The following TRRAP variants were observed in gnomAD, a reference collection of about 807,000 sequenced individuals.
The protein encoded by TRRAP is transformation/transcription domain-associated protein.
Under a neutral mutation model 438.8 loss-of-function variants are expected in TRRAP, and 41 were observed. The ratio of observed to expected loss-of-function variants is 0.09; its 90% CI spans 0.07 to 0.12. The LOEUF (loss-of-function observed/expected upper bound fraction) is 0.12, where lower values mean the gene tolerates loss of function less well. TRRAP is among the 10% of genes least tolerant of loss of function. The pLI is 1.00. For synonymous variants in TRRAP, 1,994 were observed against 1,962.9 expected, an observed-to-expected ratio of 1.02 and a Z score of -0.42; for missense variants, 3,122 against 5,055.1, an observed-to-expected ratio of 0.62 and a Z score of 11.60.
In TRRAP at chr7:98,994,682, T is replaced by A; in HGVS notation, c.10143T>A (p.Thr3381=). ...AVSDAKITPH[T]LNFVKKLVST... ...CCGATGCTAAAATCACCCCCCACACTCTCAATTTTGTGAAGAAGTTGGTGA... is the reference window on the plus strand; with the variant it reads ...CCGATGCTAAAATCACCCCCCACACACTCAATTTTGTGAAGAAGTTGGTGA... Residue 3381 remains threonine, a synonymous_variant, in exon 67 of 73, where the codon ACT becomes ACA. Coordinates refer to ENST00000456197, the MANE Select transcript of TRRAP (RefSeq NM_001375524.1). The surrounding 1 kb of genome is among the most constrained non-coding windows in gnomAD (Gnocchi z 4.8). 6.2e-7 allele frequency: 1 copy of A among 1,614,130 alleles called. No homozygotes were observed. Among genetic ancestry groups the A allele is most frequent in the Non-Finnish European group, 8.5e-7 (1 of 1,180,022 alleles).
At chr7:98,911,027 A>G (rs1554408637) in intron 16 of TRRAP, 50 bp from the exon 17 acceptor site, 2 of 1,539,562 alleles carry the variant, frequency 1.3e-6, no homozygotes, top group East Asian at 4.5e-5. Context: ...GAACATATTC[A>G]GAGAGGTTCA....
At chr7:99,002,656 T>C (rs1458658671) in intron 67 of TRRAP, among the ~76,000 whole-genome samples, 2 of 151,880 alleles carry the variant, frequency 1.3e-5, no homozygotes, top group Non-Finnish European at 2.9e-5. Context: ...GTCCTGGCAC[T>C]GTGAGGAATG....
chr7:98,978,357 A>G (rs1792764136), intron 57 of TRRAP, 34 bp downstream of exon 57: 2 of 1,561,146 alleles, frequency 1.3e-6, no homozygotes. Flanking sequence ...GTGTGCATGA[A>G]TCAGTTAAGG....
At chr7:98,953,469 C>G in intron 40 of TRRAP, 36 bp downstream of exon 40, 5 of 1,596,934 alleles carry the variant, frequency 3.1e-6, no homozygotes, top group Non-Finnish European at 4.3e-6. Context: ...CCGACATCAG[C>G]GTGAATCTCA....
chr7:98,970,010 GAGT>G, intron 51 of TRRAP, 99 bp from the exon 52 acceptor site: 1 of 1,405,382 alleles, frequency 7.1e-7, no homozygotes, highest in Middle Eastern at 1.9e-4. Flanking sequence ...TGGACCTGCA[GAGT>G]CAGAGGTGCC....
intron 39 of TRRAP, among the ~76,000 whole-genome samples, chr7:98,952,022 C>T (rs1584352661): frequency 6.6e-6 from 1 of 152,086 alleles, no homozygotes; most frequent in Non-Finnish European, 1.5e-5. Flanking sequence ...CAGGTGTGGG[C>T]CTGCCAAGAA....
intron 33 of TRRAP, 82 bp downstream of exon 33, chr7:98,946,032 G>C (rs1467473952): frequency 1.5e-6 from 2 of 1,324,852 alleles, no homozygotes; most frequent in Non-Finnish European, 1.9e-6. Context: ...TCGTGGTTCT[G>C]TACTGGACAG....
At chr7:98,962,668 G>A (rs1348116710) in intron 47 of TRRAP, among the ~76,000 whole-genome samples, 1 of 152,206 alleles carries the variant, frequency 6.6e-6, no homozygotes, top group Non-Finnish European at 1.5e-5. Context: ...TTGGTGTGAG[G>A]GATGTTGCCA....
rs1789992812 is a variant in TRRAP, at chr7:98,925,223, G to T, written c.2935G>T (p.Asp979Tyr). ...CFLVAMMSLEDNKHALYQLLA... is the reference protein window; with the variant it reads ...CFLVAMMSLEYNKHALYQLLA... The stretch of plus-strand genomic sequence containing the variant: ...CCTGGTGGCCATGATGAGCCTGGAG[G>T]ACAACAAGCACGCACTCTACCAGCT... The change falls in exon 22 of 73, where the codon GAC becomes TAC. Residue 979 changes from aspartate to tyrosine, a missense_variant. Asp to Tyr is a radical substitution (Grantham distance 160, BLOSUM62 -3). This residue lies in a region of TRRAP where 133 missense variants were observed against 188.6 expected (regional missense o/e 0.71). Coordinates refer to ENST00000456197, the MANE Select transcript of TRRAP (RefSeq NM_001375524.1). 6.2e-7 allele frequency: 1 copy of T among 1,614,134 alleles called. No individual in the cohort carries two copies. Among genetic ancestry groups the T allele is most frequent in the African/African-American group, 1.3e-5 (1 of 75,006 alleles).
chr7:98,986,247 C>A (rs1046396952), intron 62 of TRRAP, among the ~76,000 whole-genome samples: 13 of 152,172 alleles, frequency 8.5e-5, no homozygotes, highest in Non-Finnish European at 1.6e-4. Context: ...CTGGTGTAAA[C>A]ACTGAATATG....
In TRRAP at chr7:98,990,337, C is replaced by T. The variant is rs1793374804; in HGVS notation, c.9592-118C>T. The T allele has an allele frequency of 4.7e-6, 5 of 1,067,148 alleles. No individual in the cohort carries two copies. In the South Asian group the frequency reaches 1.1e-4, roughly 24 times the overall value. The allele number at this position is 1,067,148 out of a possible 1,614,324, so 66.1% of individuals were successfully genotyped here. ...AATAATGTTGGCCTGCTTATAGATACTTTTTTTACATGGCCAGTAAAGCCG... is the reference window on the plus strand; with the variant it reads ...AATAATGTTGGCCTGCTTATAGATATTTTTTTTACATGGCCAGTAAAGCCG... On this transcript the variant is annotated intron_variant, in intron 63 of 72. Coordinates refer to ENST00000456197, the MANE Select transcript of TRRAP (RefSeq NM_001375524.1).
intron 3 of TRRAP, 92 bp downstream of exon 3, chr7:98,882,116 CAA>C (rs1440119200): frequency 2.8e-6 from 3 of 1,057,182 alleles, no homozygotes; most frequent in Non-Finnish European, 4.1e-6. Context: ...ACTAGCAACT[CAA>C]AGATCATTGT....
At chr7:98,884,426 G>A (rs1462761783) in intron 3 of TRRAP, among the ~76,000 whole-genome samples, 1 of 151,588 alleles carries the variant, frequency 6.6e-6, no homozygotes, top group African/African-American at 2.4e-5. Context: ...GTAGAGATGG[G>A]GTTTCGCCTT....
Position 98,949,941 on chromosome 7 carries a change from C to T in TRRAP, c.5135+100C>T, listed in dbSNP as rs1584349937. The T allele has an allele frequency of 3.3e-5, 51 of 1,564,108 alleles. 1 individual carries two copies. The South Asian group carries it at 5.1e-4, about 16-fold the overall frequency. On this transcript the variant is annotated intron_variant, in intron 37 of 72. Coordinates refer to ENST00000456197, the MANE Select transcript of TRRAP (RefSeq NM_001375524.1). ...TGTACAAGGCTGTGGTCATTGGATG[C>T]GTGCAGTCAGATTGGTTGTGGAGAA...
chr7:98,948,785 G>A lies in TRRAP; in HGVS notation c.4788+100G>A. On this transcript the variant is annotated intron_variant, in intron 35 of 72. Transcript: ENST00000456197. The surrounding 1 kb of genome is among the most constrained non-coding windows in gnomAD (Gnocchi z 4.9). ...TCATATTTCACTATTCAGTGTCCTG[G>A]CTGCTTTTTTTTCAGATCCATTTGA... 1 of 1,562,788 alleles carries A rather than the reference G, an allele frequency of 6.4e-7. No individual in the cohort carries two copies. The highest frequency in any genetic ancestry group is 1.9e-5 in the Admixed American group (1 of 53,596).
chr7:98,948,529 G>A lies in TRRAP; in HGVS notation c.4669-37G>A. ...AGACAGCCTCAAGCTCTGAGAAGAG[G>A]AAGTTGTGAGATGCAGCATTCCCAC... On this transcript the variant is annotated intron_variant, in intron 34 of 72. Coordinates refer to ENST00000456197, the MANE Select transcript of TRRAP (RefSeq NM_001375524.1). The surrounding 1 kb of genome is among the most constrained non-coding windows in gnomAD (Gnocchi z 4.9). 1 of 1,614,096 alleles carries A rather than the reference G, an allele frequency of 6.2e-7. No individual in the cohort carries two copies.
intron 1 of TRRAP, among the ~76,000 whole-genome samples, chr7:98,880,632 A>T (rs1795386578): frequency 6.6e-6 from 1 of 152,148 alleles, no homozygotes; most frequent in Non-Finnish European, 1.5e-5. Context: ...GGAAAAGAGG[A>T]AGGATATTTC....
At chr7:98,951,927 G>A (rs1791354320) in intron 39 of TRRAP, among the ~76,000 whole-genome samples, 1 of 152,094 alleles carries the variant, frequency 6.6e-6, no homozygotes, top group Non-Finnish European at 1.5e-5. Context: ...TCTCCAGGCT[G>A]TGTCTCCTGG....
rs187308669 is a variant in TRRAP, at chr7:98,907,903, G to A, written c.1116-825G>A. On this transcript the variant is annotated intron_variant, in intron 13 of 72. Coordinates refer to ENST00000456197, the MANE Select transcript of TRRAP (RefSeq NM_001375524.1). Reference sequence around the variant, plus strand: ...CTCTCTGACCTGCTGTAGCCATGCTGGCCCCTACAGCTGCCCTCCCTGATG... The same window carrying A: ...CTCTCTGACCTGCTGTAGCCATGCTAGCCCCTACAGCTGCCCTCCCTGATG... Among the ~76,000 whole-genome samples, 23 of 151,136 alleles carry A rather than the reference G, an allele frequency of 1.5e-4. No homozygotes were observed. In the East Asian group the frequency reaches 4.3e-3, roughly 28 times the overall value.
Sources: gnomAD v4.1 joint callset for allele counts (sites outside exome capture counted in the v4.1 genomes callset) on GRCh38, gnomAD v4.1.1 for gene constraint, gnomAD v4.1.1 regional missense constraint, Gnocchi (gnomAD v3.1) non-coding constraint, MANE v1.5 for transcripts, NCBI Gene and HGNC (gene_info 2026-07-23, HGNC 2026-07-21) for gene names.